The following PTCH2 variants were observed in gnomAD, a reference collection of about 807,000 sequenced individuals.
The protein encoded by PTCH2 is protein patched homolog 2.
A neutral mutation model predicts 117.9 loss-of-function variants in PTCH2; 96 were observed. The observed-to-expected ratio is 0.81, with a 90% CI of 0.69 to 0.96. The LOEUF (loss-of-function observed/expected upper bound fraction) is 0.96. Ranked by LOEUF, PTCH2 falls within the 50% of genes least tolerant of loss-of-function variation. PTCH2 has a pLI of 0.00. For synonymous variants in PTCH2, 615 were observed against 660.9 expected (o/e 0.93, Z 1.06); for missense variants, 1,379 against 1,562.5 (o/e 0.88, Z 1.98).
At position 44,828,413 on chromosome 1, in the gene PTCH2, G is replaced by C. The variant is rs766965501; in HGVS notation, c.1592C>G (p.Ala531Gly). 1 of 1,614,158 alleles carries C rather than the reference G, an allele frequency of 6.2e-7. No individual in the cohort carries two copies. Among genetic ancestry groups the C allele is most frequent in the East Asian group, 2.2e-5 (1 of 44,882 alleles). ...AAAGGTGCAGCCAACCACTATGGCCGCCTGGGGGACGGACAGGAGGGGAAT... is the reference window on the plus strand; with the variant it reads ...AAAGGTGCAGCCAACCACTATGGCCCCCTGGGGGACGGACAGGAGGGGAAT... ...IPALRAFSLQ[A>G]AIVVGCTFVA... Residue 531 changes from alanine to glycine, a missense_variant and splice_region_variant, in exon 13 of 22, where the codon GCG becomes GGG. Coordinates refer to ENST00000372192, the MANE Select transcript of PTCH2 (RefSeq NM_003738.5).
At chr1:44,822,805 A>G in intron 21 of PTCH2, 136 bp from the exon 22 acceptor site, 1 of 993,842 alleles carries the variant, frequency 1.0e-6, no homozygotes, top group Non-Finnish European at 1.6e-6. Flanking sequence ...GAGAGCTGGC[A>G]GGCGACAGGA....
intron 2 of PTCH2, among the ~76,000 whole-genome samples, chr1:44,834,434 G>A (rs924963839): frequency 4.6e-5 from 7 of 152,072 alleles, no homozygotes; most frequent in African/African-American, 1.7e-4. Context: ...CTCCTTCTCC[G>A]ACTCTCCCCT....
In PTCH2 at chr1:44,822,292, C is replaced by G; in HGVS notation, c.*123G>C. On this transcript the variant is annotated 3_prime_UTR_variant, in exon 22 of 22. Coordinates refer to ENST00000372192, the MANE Select transcript of PTCH2 (RefSeq NM_003738.5). ...TCAGGGAGGCCCATGACAGCTGGGT[C>G]GGGAGAGGGGATGCAGCAGCAGCAG... The G allele has an allele frequency of 1.3e-6, 2 of 1,586,994 alleles. No individual in the cohort carries two copies. Among genetic ancestry groups the G allele is most frequent in the Non-Finnish European group, 1.7e-6 (2 of 1,173,126 alleles).
At chr1:44,825,230 C>T (rs757995876) in intron 19 of PTCH2, among the ~76,000 whole-genome samples, 2 of 151,806 alleles carry the variant, frequency 1.3e-5, no homozygotes, top group African/African-American at 4.8e-5. Flanking sequence ...TCCACCCTCC[C>T]GGGTTCAAGT....
rs372784104 is a variant in PTCH2, at chr1:44,831,760, G to T, written c.563C>A (p.Pro188His). ...EKLFPCVILT[P>H]LDCFWEGAKL... is the part of the protein sequence containing the mutation. ...GGCTCCCTCCCAGAAGCAGTCGAGG[G>T]GGGTGAGGATCACGCACGGAAACAG... Residue 188 changes from proline (P) to histidine (H), a missense_variant, in exon 5 of 22, where the codon CCC becomes CAC. Pro to His is a moderately conservative substitution (Grantham distance 77). Coordinates refer to ENST00000372192, the MANE Select transcript of PTCH2 (RefSeq NM_003738.5). The surrounding 1 kb of genome is among the most constrained non-coding windows in gnomAD (Gnocchi z 4.3). 62 of 1,588,282 alleles carry T rather than the reference G, an allele frequency of 3.9e-5. No homozygotes were observed. The highest frequency in any genetic ancestry group is 3.6e-4 in the South Asian group (32 of 88,104).
rs372295523 is a variant in PTCH2 at position 44,827,399 on chromosome 1, C to T, written c.2371+3G>A. On this transcript the variant is annotated splice_donor_region_variant and intron_variant, in intron 15 of 21. Coordinates refer to ENST00000372192, the MANE Select transcript of PTCH2 (RefSeq NM_003738.5). ...CCTCCCTGCCCGTCTCCTCGCCTCT[C>T]ACCCTGTAGCCAGTTGCGGTAATAG... 2 of 1,613,954 alleles carry T rather than the reference C, an allele frequency of 1.2e-6. No individual in the cohort carries two copies. Among genetic ancestry groups the T allele is most frequent in the Non-Finnish European group, 1.7e-6 (2 of 1,179,980 alleles).
rs1466586609 is a variant in PTCH2, at chr1:44,829,065, A to G, written c.1381T>C (p.Phe461Leu). Residue 461 changes from phenylalanine (F) to leucine (L), a missense_variant, in exon 11 of 22, where the codon TTC becomes CTC. Phe to Leu is a conservative substitution (Grantham distance 22). Transcript: ENST00000372192. ...FNAATTQVLPFLALGIGVDDV... is the reference protein window; with the variant it reads ...FNAATTQVLPLLALGIGVDDV... Reference sequence around the variant, plus strand: ...TCCACGCCGATTCCCAGAGCCAAGAAGGGCAGCACCTGGAGGGGCAGAGGA... The same window carrying G: ...TCCACGCCGATTCCCAGAGCCAAGAGGGGCAGCACCTGGAGGGGCAGAGGA... 3.1e-6 allele frequency: 5 copies of G among 1,610,794 alleles called. No individual in the cohort carries two copies. The highest frequency in any genetic ancestry group is 3.4e-6 in the Non-Finnish European group (4 of 1,178,634).
chr1:44,836,045 AG>A (rs1283643153), intron 2 of PTCH2, among the ~76,000 whole-genome samples: 1 of 152,114 alleles, frequency 6.6e-6, no homozygotes, highest in East Asian at 1.9e-4. Context: ...GGTGCTGTGG[AG>A]GCAGATTTGA....
Position 44,827,242 on chromosome 1 carries a change from G to A in PTCH2, c.2439C>T (p.Gly813=), listed in dbSNP as rs2148875024. 1 of 1,614,184 alleles carries A rather than the reference G, an allele frequency of 6.2e-7. No homozygotes were observed. The highest frequency in any genetic ancestry group is 1.3e-5 in the African/African-American group (1 of 75,064). Residue 813 remains glycine, a synonymous_variant, in exon 16 of 22, where the codon GGC becomes GGT. Coordinates refer to ENST00000372192, the MANE Select transcript of PTCH2 (RefSeq NM_003738.5). Reference sequence around the variant, plus strand: ...TGTAGGCCAGGGCCCCATCCTCAGAGCCATTGCGGTACGAGTGGCGGGTGA... The same window carrying A: ...TGTAGGCCAGGGCCCCATCCTCAGAACCATTGCGGTACGAGTGGCGGGTGA... The part of the protein sequence containing the change: ...GRITRHSYRN[G]SEDGALAYKL...
rs1653458959 is a variant in PTCH2, at chr1:44,831,811, C to G, written c.526-14G>C. ...CTTCTCAATCATCTGCCAGGGATAC[C>G]CCGGGCCACGTCAGTCCTGCCCCAC... On this transcript the variant is annotated splice_polypyrimidine_tract_variant and intron_variant, in intron 4 of 21. Transcript: ENST00000372192. The surrounding 1 kb of genome is among the most constrained non-coding windows in gnomAD (Gnocchi z 4.3). The G allele has an allele frequency of 1.2e-6, 2 of 1,610,908 alleles. No individual in the cohort carries two copies. Among genetic ancestry groups the G allele is most frequent in the Non-Finnish European group, 1.7e-6 (2 of 1,178,344 alleles).
intron 10 of PTCH2, 30 bp from the exon 11 acceptor site, chr1:44,829,104 G>A (rs1309974241): frequency 6.2e-7 from 1 of 1,613,510 alleles, no homozygotes; most frequent in East Asian, 2.2e-5. Context: ...GGCAGCTGAG[G>A]ACCCGTGAAG....
At position 44,830,828 on chromosome 1, in the gene PTCH2, C is replaced by T. The variant is rs1013216073; in HGVS notation, c.813+20G>A. 6.6e-7 allele frequency: 1 copy of T among 1,521,496 alleles called. No individual in the cohort carries two copies. The highest frequency in any genetic ancestry group is 2.0e-5 in the Admixed American group (1 of 48,850). The allele number at this position is 1,521,496 out of a possible 1,614,324, so 94.2% of individuals were successfully genotyped here. A position where few individuals can be genotyped will look rare whatever the true frequency, so the allele number is the denominator to read the frequency against. On this transcript the variant is annotated intron_variant, in intron 6 of 21. Transcript: ENST00000372192. Reference sequence around the variant, plus strand: ...GGGAAGGAAAACAGCCTTTCCCTGGCAGACCTGGTTGGAACCCACCTGCCT... The same window carrying T: ...GGGAAGGAAAACAGCCTTTCCCTGGTAGACCTGGTTGGAACCCACCTGCCT...
In PTCH2 at chr1:44,828,191, A is replaced by G. The variant is rs1653250851; in HGVS notation, c.1710T>C (p.Ser570=). 1 of 1,613,454 alleles carries G rather than the reference A, an allele frequency of 6.2e-7. No individual in the cohort carries two copies. The part of the protein sequence containing the change: ...QRLDVLCCFS[S]PCSAQVIQIL... ...TCTGAATCACCTGAGCAGAGCAGGG[A>G]CTGGAAGAGGTAGAGAGTGGATGAC... The change falls in exon 14 of 22, where the codon AGT becomes AGC. Residue 570 remains serine (S), a splice_region_variant and synonymous_variant. Transcript: ENST00000372192.
Position 44,822,120 on chromosome 1 carries a change from T to C in PTCH2, c.*295A>G. The C allele has an allele frequency of 7.2e-7, 1 of 1,395,558 alleles. No homozygotes were observed. The highest frequency in any genetic ancestry group is 9.3e-7 in the Non-Finnish European group (1 of 1,075,930). The allele number at this position is 1,395,558 out of a possible 1,614,324, so 86.4% of individuals were successfully genotyped here. A position where few individuals can be genotyped will look rare whatever the true frequency, so the allele number is the denominator to read the frequency against. On this transcript the variant is annotated 3_prime_UTR_variant, in exon 22 of 22. Transcript: ENST00000372192. Reference sequence around the variant, plus strand: ...AAGGGTGCTGGAGGGTCCCTCAGGCTTGGTCAGCTGGGCAGGCAGTGGTGT... The same window carrying C: ...AAGGGTGCTGGAGGGTCCCTCAGGCCTGGTCAGCTGGGCAGGCAGTGGTGT...
chr1:44,842,118 G>T, intron 1 of PTCH2, 79 bp from the exon 2 acceptor site: 1 of 1,367,648 alleles, frequency 7.3e-7, no homozygotes, highest in Non-Finnish European at 1.0e-6. Context: ...CTGTATATCT[G>T]CTGCCCAGCC....
At position 44,829,662 on chromosome 1, in the gene PTCH2, C is replaced by T. The variant is rs2148877994; in HGVS notation, c.1035G>A (p.Glu345=). ...DYQTHDIGWS[E]EQASTVLQAW... ...CTTGTAGCACTGTGCTGGCCTGCTCCTCACTCCAGCCAATGTCATGTGTCT... is the reference window on the plus strand; with the variant it reads ...CTTGTAGCACTGTGCTGGCCTGCTCTTCACTCCAGCCAATGTCATGTGTCT... Residue 345 remains glutamate, a synonymous_variant, in exon 8 of 22, where the codon GAG becomes GAA. Coordinates refer to ENST00000372192, the MANE Select transcript of PTCH2 (RefSeq NM_003738.5). The T allele has an allele frequency of 6.2e-7, 1 of 1,614,214 alleles. No homozygotes were observed. The highest frequency in any genetic ancestry group is 8.5e-7 in the Non-Finnish European group (1 of 1,180,038).
chr1:44,821,742 G>A (rs563240166), downstream of PTCH2: 25 of 1,252,296 alleles, frequency 2.0e-5, no homozygotes, highest in Admixed American at 9.3e-5. Context: ...ATTTGTTATC[G>A]TTTTGTATAG....
chr1:44,842,274 C>CTTTTT (rs200149437), intron 1 of PTCH2, among the ~76,000 whole-genome samples: 16 of 130,960 alleles, frequency 1.2e-4, no homozygotes, highest in Non-Finnish European at 1.9e-4. Flanking sequence ...GTTTTCTCTC[C>CTTTTT]TTTTTTTTTT....
rs372727886 is a variant in PTCH2, at chr1:44,832,055, C to T, written c.456-11G>A. 3 of 1,613,006 alleles carry T rather than the reference C, an allele frequency of 1.9e-6. No homozygotes were observed. In the African/African-American group the frequency reaches 4.0e-5, roughly 22 times the overall value. On this transcript the variant is annotated splice_polypyrimidine_tract_variant and intron_variant, in intron 3 of 21. Coordinates refer to ENST00000372192, the MANE Select transcript of PTCH2 (RefSeq NM_003738.5). ...TTCAAATCCCAGGACCTGCAATAGC[C>T]AGGGGCATAGGAGATCAGCAGAAGA...
Sources: gnomAD v4.1 joint callset for allele counts (sites outside exome capture counted in the v4.1 genomes callset) on GRCh38, gnomAD v4.1.1 for gene constraint, Gnocchi (gnomAD v3.1) non-coding constraint, MANE v1.5 for transcripts, NCBI Gene and HGNC (gene_info 2026-07-23, HGNC 2026-07-21) for gene names.